The following CDC42SE2 variants were observed in gnomAD, a reference collection of about 807,000 sequenced individuals.
CDC42SE2 encodes CDC42 small effector 2.
Under a neutral mutation model 11.5 loss-of-function variants are expected in CDC42SE2, and 3 were observed. The ratio of observed to expected loss-of-function variants is 0.26; its 90% CI spans 0.12 to 0.67. The LOEUF (loss-of-function observed/expected upper bound fraction) is 0.67, where lower values mean the gene tolerates loss of function less well. Ranked by LOEUF, CDC42SE2 falls within the 30% of genes least tolerant of loss-of-function variation. The probability of loss-of-function intolerance (pLI) is 0.80; values close to 1 mark genes in which losing one functional copy is unlikely to be tolerated. For missense variants in CDC42SE2, 82 were observed against 106.8 expected (o/e 0.77, Z 1.02); for synonymous variants, 33 against 34.8 (o/e 0.95, Z 0.18).
At chr5:131,277,947 T>TA (rs376540888) in intron 1 of CDC42SE2, among the ~76,000 whole-genome samples, 3 of 152,068 alleles carry the variant, frequency 2.0e-5, no homozygotes, top group East Asian at 1.9e-4. Flanking sequence ...AGGTGTTCAG[T>TA]AAAAAAAAGT....
intron 1 of CDC42SE2, among the ~76,000 whole-genome samples, chr5:131,313,120 C>T (rs1394400839): frequency 2.6e-5 from 4 of 151,916 alleles, no homozygotes; most frequent in African/African-American, 9.7e-5. Flanking sequence ...GTAGCTGGGA[C>T]TACAGGTGCC....
At chr5:131,322,062 G>T (rs565283794) in intron 2 of CDC42SE2, among the ~76,000 whole-genome samples, 30 of 152,188 alleles carry the variant, frequency 2.0e-4, no homozygotes, top group Non-Finnish European at 4.1e-4. Context: ...GTGTTAGCCA[G>T]GATGGTCTCG....
At chr5:131,376,056 T>C (rs993480704) in intron 3 of CDC42SE2, among the ~76,000 whole-genome samples, 7 of 152,156 alleles carry the variant, frequency 4.6e-5, no homozygotes, top group African/African-American at 1.7e-4. Context: ...CTGACCAACA[T>C]GGTGAAACCC....
chr5:131,317,248 T>A (rs1421340194), intron 2 of CDC42SE2, among the ~76,000 whole-genome samples: 1 of 152,206 alleles, frequency 6.6e-6, no homozygotes, highest in Non-Finnish European at 1.5e-5. Flanking sequence ...CAATGTTGCC[T>A]TTTGTTTTTG....
chr5:131,388,230 G>A (rs556836928), intron 4 of CDC42SE2, among the ~76,000 whole-genome samples: 7 of 152,118 alleles, frequency 4.6e-5, no homozygotes, highest in East Asian at 3.9e-4. Flanking sequence ...CCGGACCTCC[G>A]GTGATCCACC....
intron 1 of CDC42SE2, among the ~76,000 whole-genome samples, chr5:131,265,385 G>C (rs1454194645): frequency 6.6e-6 from 1 of 152,132 alleles, no homozygotes; most frequent in East Asian, 1.9e-4. Flanking sequence ...AGGAGTTTAT[G>C]TGTTTTTGAG....
chr5:131,334,001 T>A (rs1580760226), intron 2 of CDC42SE2, among the ~76,000 whole-genome samples: 1 of 152,196 alleles, frequency 6.6e-6, no homozygotes, highest in African/African-American at 2.4e-5. Context: ...CAACACTATG[T>A]TGAATAGGAG....
the CDC42SE2 span, among the ~76,000 whole-genome samples, chr5:131,238,038 T>G: frequency 6.6e-6 from 1 of 151,832 alleles, no homozygotes; most frequent in Non-Finnish European, 1.5e-5. Context: ...TGAACCACTA[T>G]CAGACATATA....
intron 1 of CDC42SE2, among the ~76,000 whole-genome samples, chr5:131,302,221 C>T (rs1757698795): frequency 6.6e-6 from 1 of 151,664 alleles, no homozygotes; most frequent in Non-Finnish European, 1.5e-5. Flanking sequence ...CTTTTGTTGC[C>T]CAGGCTGGAG....
intron 2 of CDC42SE2, among the ~76,000 whole-genome samples, chr5:131,335,340 T>C (rs1323717941): frequency 6.6e-6 from 1 of 152,210 alleles, no homozygotes; most frequent in Non-Finnish European, 1.5e-5. Flanking sequence ...GACAGTTTGT[T>C]ATGATTTCTG....
At chr5:131,217,274 C>T in the CDC42SE2 span, among the ~76,000 whole-genome samples, 1 of 152,200 alleles carries the variant, frequency 6.6e-6, no homozygotes, top group African/African-American at 2.4e-5. Flanking sequence ...ATATGGCCCA[C>T]AAAGCCTAAA....
chr5:131,292,573 A>C (rs1344157559), intron 1 of CDC42SE2, among the ~76,000 whole-genome samples: 60 of 149,584 alleles, frequency 4.0e-4, no homozygotes, highest in Non-Finnish European at 7.6e-4. Context: ...AAAAAAAAAA[A>C]AACAAAAAAC....
At chr5:131,264,880 C>T (rs1323534273) in intron 1 of CDC42SE2, among the ~76,000 whole-genome samples, 1 of 152,284 alleles carries the variant, frequency 6.6e-6, no homozygotes, top group East Asian at 1.9e-4. Flanking sequence ...ATTGGGGATT[C>T]CTCTTTAGCT....
chr5:131,320,901 G>A (rs1758173933), intron 2 of CDC42SE2, among the ~76,000 whole-genome samples: 1 of 152,024 alleles, frequency 6.6e-6, no homozygotes, highest in African/African-American at 2.4e-5. Flanking sequence ...TTTCTTTCTG[G>A]CAATATTATA....
chr5:131,222,694 T>A, the CDC42SE2 span, among the ~76,000 whole-genome samples: 2 of 152,242 alleles, frequency 1.3e-5, no homozygotes, highest in African/African-American at 4.8e-5. Flanking sequence ...CACTATCTGC[T>A]CCTTATGCAG....
chr5:131,265,003 A>G (rs574469907), intron 1 of CDC42SE2, among the ~76,000 whole-genome samples: 4 of 152,366 alleles, frequency 2.6e-5, no homozygotes, highest in African/African-American at 9.6e-5. Context: ...TGCTCAGTAA[A>G]GTATTTGTTG....
At chr5:131,382,114 TACTC>T (rs746478275) in intron 3 of CDC42SE2, among the ~76,000 whole-genome samples, 8 of 152,320 alleles carry the variant, frequency 5.3e-5, no homozygotes, top group South Asian at 4.1e-4. Context: ...AGCTGAAAAA[TACTC>T]ACTATTATTT....
chr5:131,260,853 G>A (rs1756719474), upstream of CDC42SE2, among the ~76,000 whole-genome samples: 1 of 152,196 alleles, frequency 6.6e-6, no homozygotes, highest in Non-Finnish European at 1.5e-5. Context: ...AGAATCATTT[G>A]AACCTGGGAG....
chr5:131,217,269 G>A, the CDC42SE2 span, among the ~76,000 whole-genome samples: 2 of 152,102 alleles, frequency 1.3e-5, no homozygotes, highest in African/African-American at 4.8e-5. Context: ...AGACTATATG[G>A]CCCACAAAGC....
Sources: allele counts gnomAD v4.1 joint callset (sites outside exome capture counted in the v4.1 genomes callset), GRCh38; gene constraint gnomAD v4.1.1; transcripts MANE v1.5; gene names NCBI Gene and HGNC (gene_info 2026-07-23, HGNC 2026-07-21).